The following CTNNA2 variants were observed in gnomAD, a reference collection of about 807,000 sequenced individuals.
CTNNA2 encodes catenin alpha-2.
Under a neutral mutation model 101.0 loss-of-function variants are expected in CTNNA2, and 42 were observed. The ratio of observed to expected loss-of-function variants is 0.42; its 90% CI spans 0.32 to 0.54. The LOEUF is 0.54. CTNNA2 is among the 20% of genes least tolerant of loss of function. The pLI, the probability that CTNNA2 is intolerant of heterozygous loss-of-function variation, is 0.14. For missense variants in CTNNA2, 871 were observed against 1,223.1 expected, an observed-to-expected ratio of 0.71 and a Z score of 4.29; for synonymous variants, 450 against 456.4, an observed-to-expected ratio of 0.99 and a Z score of 0.18.
intron 7 of CTNNA2, among the ~76,000 whole-genome samples, chr2:80,216,643 C>T (rs945454787): frequency 1.3e-5 from 2 of 152,132 alleles, no homozygotes; most frequent in Non-Finnish European, 2.9e-5. Context: ...GAAGAGGGCC[C>T]TCCCCAGAAG....
At chr2:79,493,311 T>G (rs953815182) in intron 4 of CTNNA2, among the ~76,000 whole-genome samples, 1 of 152,128 alleles carries the variant, frequency 6.6e-6, no homozygotes, top group Admixed American at 6.5e-5. Context: ...ATTATCTCTA[T>G]TTACTAGTGA....
chr2:80,450,093 T>A (rs2149454773), intron 9 of CTNNA2, among the ~76,000 whole-genome samples: 1 of 152,288 alleles, frequency 6.6e-6, no homozygotes, highest in East Asian at 1.9e-4. Context: ...ACAGAAACAA[T>A]AATATTTAAC....
chr2:79,366,597 GA>G (rs889550683), intron 3 of CTNNA2, among the ~76,000 whole-genome samples: 3 of 150,010 alleles, frequency 2.0e-5, no homozygotes, highest in Admixed American at 6.6e-5. Context: ...GAGAGTTTCA[GA>G]AAAAAAAATG....
chr2:80,079,118 G>C (rs1047659839), intron 7 of CTNNA2, among the ~76,000 whole-genome samples: 1 of 152,150 alleles, frequency 6.6e-6, no homozygotes, highest in Non-Finnish European at 1.5e-5. Flanking sequence ...TTTGCTAGCT[G>C]GCGTGATGGA....
intron 7 of CTNNA2, among the ~76,000 whole-genome samples, chr2:79,986,707 C>T (rs1558702356): frequency 6.6e-6 from 1 of 152,116 alleles, no homozygotes; most frequent in African/African-American, 2.4e-5. Flanking sequence ...TCACCTTTTC[C>T]TCCATGACAT....
chr2:80,363,847 C>T (rs368879903), intron 7 of CTNNA2, among the ~76,000 whole-genome samples: 1 of 152,100 alleles, frequency 6.6e-6, no homozygotes, highest in Non-Finnish European at 1.5e-5. Flanking sequence ...TTTATATCAA[C>T]CATTCATTAA....
At chr2:80,507,266 G>T (rs1286297262) in intron 9 of CTNNA2, among the ~76,000 whole-genome samples, 3 of 151,916 alleles carry the variant, frequency 2.0e-5, no homozygotes, top group Admixed American at 6.6e-5. Flanking sequence ...AACAGCCAAT[G>T]ACTCTTTACC....
chr2:80,063,267 C>T (rs11888368), intron 7 of CTNNA2, among the ~76,000 whole-genome samples: 3,190 of 152,096 alleles, frequency 0.021, 116 homozygotes, highest in African/African-American at 0.071. Context: ...ATTCTCTAGG[C>T]AACTTCACAT....
intron 2 of CTNNA2, among the ~76,000 whole-genome samples, chr2:79,201,672 G>T (rs1674037355): frequency 6.6e-6 from 1 of 151,962 alleles, no homozygotes; most frequent in Non-Finnish European, 1.5e-5. Flanking sequence ...TCAGCAAATT[G>T]TCCTACTGGT....
chr2:80,611,557 T>A (rs757806904), intron 17 of CTNNA2, among the ~76,000 whole-genome samples: 2 of 151,604 alleles, frequency 1.3e-5, no homozygotes, highest in South Asian at 4.1e-4. Flanking sequence ...TTATCATGTT[T>A]TTGACTAATT....
chr2:79,879,246 G>A (rs1683246229), intron 6 of CTNNA2, among the ~76,000 whole-genome samples: 1 of 152,144 alleles, frequency 6.6e-6, no homozygotes, highest in Non-Finnish European at 1.5e-5. Flanking sequence ...AAGTCAGGTA[G>A]CATGATGCCT....
At chr2:79,580,798 T>A (rs191373923) in intron 1 of CTNNA2, among the ~76,000 whole-genome samples, 42 of 152,312 alleles carry the variant, frequency 2.8e-4, no homozygotes, top group African/African-American at 9.9e-4. Context: ...CAGTAATCAT[T>A]TTCCTAGAGT....
intron 7 of CTNNA2, among the ~76,000 whole-genome samples, chr2:80,306,415 T>TCTTTCTTC (rs1676992254): frequency 7.0e-6 from 1 of 141,942 alleles, no homozygotes; most frequent in Non-Finnish European, 1.5e-5. Flanking sequence ...TTTCTTTCTT[T>TCTTTCTTC]CTTTCTTTCT....
intron 4 of CTNNA2, among the ~76,000 whole-genome samples, chr2:79,414,025 T>A (rs908586561): frequency 2.7e-5 from 4 of 150,354 alleles, no homozygotes; most frequent in Admixed American, 1.3e-4. Context: ...AGTCAAGATT[T>A]GAACTCAGGC....
At chr2:79,312,968 A>G (rs113177455) in intron 3 of CTNNA2, among the ~76,000 whole-genome samples, 11 of 152,288 alleles carry the variant, frequency 7.2e-5, no homozygotes, top group African/African-American at 2.6e-4. Flanking sequence ...ATCTCTTTGC[A>G]ATTAGTGTTT....
chr2:80,572,068 A>G (rs1694648801), intron 12 of CTNNA2, among the ~76,000 whole-genome samples: 1 of 152,156 alleles, frequency 6.6e-6, no homozygotes, highest in Non-Finnish European at 1.5e-5. Flanking sequence ...AGTGGATTTT[A>G]CTAGATTTTG....
intron 4 of CTNNA2, among the ~76,000 whole-genome samples, chr2:79,477,175 T>A (rs563306844): frequency 4.0e-5 from 6 of 148,382 alleles, no homozygotes; most frequent in Non-Finnish European, 8.9e-5. Context: ...TTTCTTTTTT[T>A]TTTTTTTGTT....
intron 6 of CTNNA2, among the ~76,000 whole-genome samples, chr2:79,888,162 G>T (rs983217): frequency 0.17 from 25,970 of 152,106 alleles, 2,444 homozygotes; most frequent in Middle Eastern, 0.23. Context: ...CCTACCTCTG[G>T]GATGGTGATA....
At chr2:79,659,749 C>T (rs948898475) in intron 2 of CTNNA2, among the ~76,000 whole-genome samples, 3 of 152,146 alleles carry the variant, frequency 2.0e-5, no homozygotes, top group African/African-American at 7.2e-5. Context: ...GTAATCCCAA[C>T]ATTTTGGGAG....
Sources: allele counts gnomAD v4.1 joint callset (sites outside exome capture counted in the v4.1 genomes callset), GRCh38; gene constraint gnomAD v4.1.1; transcripts MANE v1.5; gene names NCBI Gene and HGNC (gene_info 2026-07-23, HGNC 2026-07-21).